Variants in FAM81A observed in about 807,000 individuals in gnomAD.
FAM81A encodes the protein family with sequence similarity 81 member A, also known as protein FAM81A.
A neutral mutation model predicts 46.7 loss-of-function variants in FAM81A; 19 were observed. The observed-to-expected ratio is 0.41, with a 90% CI of 0.28 to 0.60. The LOEUF (loss-of-function observed/expected upper bound fraction) is 0.60. FAM81A is among the 20% of genes least tolerant of loss of function. The pLI is 0.34. For missense variants in FAM81A, 377 were observed against 453.5 expected (o/e 0.83, Z 1.53); for synonymous variants, 183 against 152.9 (o/e 1.20, Z -1.45).
chr15:59,426,631 A>C (rs1448878371), intron 2 of FAM81A, among the ~76,000 whole-genome samples: 6 of 152,196 alleles, frequency 3.9e-5, no homozygotes, highest in African/African-American at 1.4e-4. Flanking sequence ...CCAAACAAAC[A>C]AACAAAGAAA....
intron 2 of FAM81A, among the ~76,000 whole-genome samples, chr15:59,431,987 C>T (rs183225653): frequency 1.8e-4 from 27 of 152,190 alleles, no homozygotes; most frequent in East Asian, 1.5e-3. Context: ...AAAACAAAGA[C>T]GATTATACCT....
chr15:59,500,814 A>G (rs1263399843), intron 4 of FAM81A, among the ~76,000 whole-genome samples: 2 of 151,862 alleles, frequency 1.3e-5, no homozygotes, highest in African/African-American at 2.4e-5. Context: ...TTTTTGTTCC[A>G]GTATTTCCAT....
intron 4 of FAM81A, among the ~76,000 whole-genome samples, chr15:59,501,082 A>G (rs1166650562): frequency 6.6e-6 from 1 of 152,018 alleles, no homozygotes; most frequent in African/African-American, 2.4e-5. Context: ...TAGATAATAT[A>G]TTGTAGCAAC....
intron 2 of FAM81A, among the ~76,000 whole-genome samples, chr15:59,414,408 G>A (rs2081136739): frequency 6.6e-6 from 1 of 152,190 alleles, no homozygotes; most frequent in Non-Finnish European, 1.5e-5. Context: ...TGTGCATGGG[G>A]CATCACAGGA....
chr15:59,433,040 G>A lies in FAM81A; in HGVS notation c.-77-25510G>A, dbSNP rs186174191. On this transcript the variant is annotated intron_variant, in intron 2 of 4. Transcript: ENST00000558348. Reference sequence around the variant, plus strand: ...GCCTGTAGTCCCAGCTACTCGGGAGGCTGAGGCAGGAGAATGGTGTGAACT... The same window carrying A: ...GCCTGTAGTCCCAGCTACTCGGGAGACTGAGGCAGGAGAATGGTGTGAACT... 6.6e-5 allele frequency among the ~76,000 whole-genome samples: 10 copies of A among 150,534 alleles called. No individual in the cohort carries two copies. The East Asian group carries it at 2.0e-3, about 29-fold the overall frequency.
At chr15:59,472,689 T>G (rs1373524316) in intron 3 of FAM81A, among the ~76,000 whole-genome samples, 2 of 152,072 alleles carry the variant, frequency 1.3e-5, no homozygotes, top group African/African-American at 4.8e-5. Context: ...GAGCTGAGAC[T>G]ACAGGCACAG....
intron 3 of FAM81A, among the ~76,000 whole-genome samples, chr15:59,490,650 G>A (rs1332822768): frequency 2.0e-5 from 3 of 152,184 alleles, no homozygotes; most frequent in Non-Finnish European, 2.9e-5. Flanking sequence ...TGGTCAACAC[G>A]GTGAAACTCC....
chr15:59,416,384 G>GT (rs1221376199), intron 2 of FAM81A, among the ~76,000 whole-genome samples: 1 of 152,224 alleles, frequency 6.6e-6, no homozygotes, highest in Non-Finnish European at 1.5e-5. Context: ...CTCCCCTTTG[G>GT]TTAAGAGTCA....
intron 4 of FAM81A, among the ~76,000 whole-genome samples, chr15:59,505,202 A>C (rs1047836686): frequency 6.6e-6 from 1 of 152,214 alleles, no homozygotes; most frequent in South Asian, 2.1e-4. Flanking sequence ...TCTATCTTCA[A>C]CTATGTCTAG....
chr15:59,471,406 G>A (rs1346937324), intron 3 of FAM81A, among the ~76,000 whole-genome samples: 1 of 152,068 alleles, frequency 6.6e-6, no homozygotes, highest in Non-Finnish European at 1.5e-5. Flanking sequence ...CTTAAAGTCT[G>A]TTTTGTCTGG....
At chr15:59,475,090 T>G (rs1337115379) in intron 3 of FAM81A, among the ~76,000 whole-genome samples, 1 of 152,214 alleles carries the variant, frequency 6.6e-6, no homozygotes, top group East Asian at 1.9e-4. Flanking sequence ...TCAAAAAATC[T>G]GCCTAAGGAA....
intron 3 of FAM81A, among the ~76,000 whole-genome samples, chr15:59,490,317 G>A (rs1477004161): frequency 1.3e-5 from 2 of 152,128 alleles, no homozygotes; most frequent in African/African-American, 4.8e-5. Flanking sequence ...ACAAAGTGGA[G>A]GGAGAACGTA....
chr15:59,460,394 G>C lies in FAM81A; in HGVS notation c.294+188G>C, dbSNP rs1266102192. On this transcript the variant is annotated intron_variant, in intron 3 of 8. Transcript: ENST00000288228. This position sits in a 1 kb window ranked among gnomAD's most constrained non-coding sequence, Gnocchi z 4.4. Reference sequence around the variant, plus strand: ...AAATATCCTAATTAAATTTATTCCAGTGTTTGATAACAGTTACTGTTAGTG... The same window carrying C: ...AAATATCCTAATTAAATTTATTCCACTGTTTGATAACAGTTACTGTTAGTG... 1.3e-6 allele frequency: 1 copy of C among 780,888 alleles called. No homozygotes were observed. The highest frequency in any genetic ancestry group is 2.6e-5 in the East Asian group (1 of 38,400). 48.4% of individuals were successfully genotyped at this position (780,888 alleles called of 1,614,324 possible). A position where few individuals can be genotyped will look rare whatever the true frequency, so the allele number is the denominator to read the frequency against.
At chr15:59,480,600 C>G (rs1596510737) in intron 3 of FAM81A, among the ~76,000 whole-genome samples, 1 of 152,116 alleles carries the variant, frequency 6.6e-6, no homozygotes, top group East Asian at 1.9e-4. Context: ...TTGTGTGCAC[C>G]TGGACAATGC....
At chr15:59,481,274 A>G (rs564844973) in intron 3 of FAM81A, among the ~76,000 whole-genome samples, 1 of 152,322 alleles carries the variant, frequency 6.6e-6, no homozygotes, top group South Asian at 2.1e-4. Context: ...CTGGGATTAC[A>G]GGAGTGAGCC....
At chr15:59,442,704 A>C (rs1333576276) in intron 1 of FAM81A, among the ~76,000 whole-genome samples, 2 of 152,084 alleles carry the variant, frequency 1.3e-5, no homozygotes, top group East Asian at 3.8e-4. Flanking sequence ...TTTCAACCAA[A>C]TTCTCTAAAT....
chr15:59,410,953 T>G (rs2081117802), intron 2 of FAM81A, among the ~76,000 whole-genome samples: 1 of 152,186 alleles, frequency 6.6e-6, no homozygotes, highest in Non-Finnish European at 1.5e-5. Flanking sequence ...TTTCACCATG[T>G]TGGTCAGGCT....
At chr15:59,482,132 G>A (rs1218347731) in intron 3 of FAM81A, among the ~76,000 whole-genome samples, 3 of 152,062 alleles carry the variant, frequency 2.0e-5, no homozygotes, top group Non-Finnish European at 4.4e-5. Context: ...TACTAGAAAG[G>A]TTGAACCTTT....
chr15:59,521,365 A>AT lies in FAM81A; in HGVS notation c.1094_1095insT (p.Glu365AspfsTer13). 1 of 1,611,088 alleles carries AT rather than the reference A, an allele frequency of 6.2e-7. No homozygotes were observed. Among genetic ancestry groups the AT allele is most frequent in the Non-Finnish European group, 8.5e-7 (1 of 1,178,392 alleles). The stretch of plus-strand genomic sequence containing the variant: ...CAAATCCAGCTGATGCAGAAGCCAG[A>AT]GACCCCCATGTGAAGGGAGCTGGGA... On this transcript the variant is annotated frameshift_variant, in exon 9 of 9. Transcript: ENST00000288228. LOFTEE classifies it high-confidence loss of function.
Sources: allele counts gnomAD v4.1 joint callset (sites outside exome capture counted in the v4.1 genomes callset), GRCh38; gene constraint gnomAD v4.1.1; non-coding constraint Gnocchi (gnomAD v3.1); transcripts MANE v1.5; gene names NCBI Gene and HGNC (gene_info 2026-07-23, HGNC 2026-07-21).